SHC4: variants seen among roughly 807,000 people sequenced by gnomAD.
SHC4 encodes the protein SHC adaptor protein 4, also known as SHC-transforming protein 4.
SHC4 carries 41 observed loss-of-function variants against 69.4 expected under a neutral mutation model. That is an observed-to-expected ratio of 0.59 (90% CI 0.46 to 0.77). The LOEUF (loss-of-function observed/expected upper bound fraction) is 0.77. Among genes scored for constraint, SHC4 ranks in the 30% least tolerant of loss-of-function variants. The pLI is 0.00. For missense variants in SHC4, 777 were observed against 783.8 expected (o/e 0.99, Z 0.10); for synonymous variants, 318 against 299.3 (o/e 1.06, Z -0.64).
intron 2 of SHC4, among the ~76,000 whole-genome samples, chr15:48,923,634 T>TC (rs886138254): frequency 1.7e-5 from 2 of 115,530 alleles, no homozygotes; most frequent in Non-Finnish European, 3.5e-5. Flanking sequence ...GACTACTCAG[T>TC]CTTTTTTTTT....
intron 2 of SHC4, among the ~76,000 whole-genome samples, chr15:48,916,024 A>G (rs1370744393): frequency 1.3e-5 from 2 of 152,166 alleles, no homozygotes; most frequent in Admixed American, 6.5e-5. Flanking sequence ...AACTACTCCA[A>G]GGCTTAGCAG....
intron 1 of SHC4, among the ~76,000 whole-genome samples, chr15:48,949,758 C>T: frequency 6.8e-6 from 1 of 147,438 alleles, no homozygotes; most frequent in African/African-American, 2.5e-5. Flanking sequence ...ATCTACAATA[C>T]CTTAAAAAAA....
At chr15:48,882,044 G>A (rs771725332) in intron 4 of SHC4, among the ~76,000 whole-genome samples, 3 of 152,132 alleles carry the variant, frequency 2.0e-5, no homozygotes, top group Non-Finnish European at 4.4e-5. Context: ...AAGTGGGGAT[G>A]GGGAAGGCAT....
chr15:48,856,094 C>T lies in SHC4; in HGVS notation c.1101G>A (p.Glu367=). ...SEEVHIDSHA[E]EREDHEYYNE... ...TGTAATATTCATGATCTTCTCTCTCCTCGGCATGGCTATCAATATGCACCT... is the reference window on the plus strand; with the variant it reads ...TGTAATATTCATGATCTTCTCTCTCTTCGGCATGGCTATCAATATGCACCT... Residue 367 remains glutamate, a synonymous_variant, in exon 8 of 12, where the codon GAG becomes GAA. Coordinates refer to ENST00000332408, the MANE Select transcript of SHC4 (RefSeq NM_203349.4). 6.2e-7 allele frequency: 1 copy of T among 1,613,528 alleles called. No homozygotes were observed. The highest frequency in any genetic ancestry group is 8.5e-7 in the Non-Finnish European group (1 of 1,179,646).
intron 9 of SHC4, among the ~76,000 whole-genome samples, chr15:48,847,172 AC>A (rs1356221395): frequency 6.6e-6 from 1 of 152,140 alleles, no homozygotes; most frequent in African/African-American, 2.4e-5. Flanking sequence ...GCCAGCTAGT[AC>A]GCCTTCCAAA....
chr15:48,894,097 T>C (rs1258443616), intron 2 of SHC4, among the ~76,000 whole-genome samples: 2 of 152,144 alleles, frequency 1.3e-5, no homozygotes, highest in East Asian at 1.9e-4. Context: ...ATAAAACATA[T>C]CAAAATAAAT....
intron 8 of SHC4, among the ~76,000 whole-genome samples, chr15:48,851,738 A>T (rs961982479): frequency 6.6e-6 from 1 of 152,168 alleles, no homozygotes; most frequent in African/African-American, 2.4e-5. Context: ...TCTCGTCAGC[A>T]ATATACTGTG....
rs147881852 is a variant in SHC4, at chr15:48,826,065, T to C, written c.1799A>G (p.Asn600Ser). 6.2e-7 allele frequency: 1 copy of C among 1,613,970 alleles called. No homozygotes were observed. Among genetic ancestry groups the C allele is most frequent in the East Asian group, 2.2e-5 (1 of 44,842 alleles). ...VGHLIRYHMDNSLPIISSGSE... is the reference protein window; with the variant it reads ...VGHLIRYHMDSSLPIISSGSE... Reference sequence around the variant, plus strand: ...TCCAGAGGAGATGATTGGCAAACTGTTATCCATATGGTATCTGATAAGGTG... The same window carrying C: ...TCCAGAGGAGATGATTGGCAAACTGCTATCCATATGGTATCTGATAAGGTG... Residue 600 changes from asparagine (N) to serine (S), a missense_variant, in exon 12 of 12, where the codon AAC (asparagine) becomes AGC (serine). Transcript: ENST00000332408.
intron 2 of SHC4, among the ~76,000 whole-genome samples, chr15:48,924,047 T>A (rs1263186402): frequency 6.6e-6 from 1 of 152,112 alleles, no homozygotes; most frequent in Non-Finnish European, 1.5e-5. Flanking sequence ...GGCCTAGAAT[T>A]TCATGGGATG....
At chr15:48,944,249 G>T (rs143468600) in intron 1 of SHC4, among the ~76,000 whole-genome samples, 61 of 151,902 alleles carry the variant, frequency 4.0e-4, no homozygotes, top group African/African-American at 1.1e-3. Context: ...AGAGACTCTG[G>T]GTGCCCTACC....
At chr15:48,932,584 G>A (rs914742099) in intron 1 of SHC4, among the ~76,000 whole-genome samples, 3 of 151,988 alleles carry the variant, frequency 2.0e-5, no homozygotes, top group African/African-American at 7.3e-5. Context: ...CCCTTCCTTT[G>A]CTCCTCCCTC....
chr15:48,939,127 G>C (rs1901128283), intron 1 of SHC4, among the ~76,000 whole-genome samples: 1 of 152,160 alleles, frequency 6.6e-6, no homozygotes, highest in Admixed American at 6.5e-5. Context: ...TGCTGTTCCT[G>C]ATTGTCTTCA....
rs1399317864 is a variant in SHC4 at position 48,835,033 on chromosome 15, A to G, written c.1484-11T>C. On this transcript the variant is annotated splice_polypyrimidine_tract_variant and intron_variant, in intron 10 of 11. Coordinates refer to ENST00000332408, the MANE Select transcript of SHC4 (RefSeq NM_203349.4). ...CAGTTTCTGGTGCCTCTGAAGTCAG[A>G]ACACAAAGAGAGACATCATCGAGTT... 6.2e-7 allele frequency: 1 copy of G among 1,604,648 alleles called. No individual in the cohort carries two copies. Among genetic ancestry groups the G allele is most frequent in the Non-Finnish European group, 8.5e-7 (1 of 1,175,366 alleles).
chr15:48,910,044 T>C (rs1900479730), intron 2 of SHC4, among the ~76,000 whole-genome samples: 1 of 152,152 alleles, frequency 6.6e-6, no homozygotes, highest in Admixed American at 6.6e-5. Flanking sequence ...TTTCTGGTTT[T>C]GGTATTAGGG....
intron 4 of SHC4, chr15:48,876,870 TCAATC>T (rs1175079374): frequency 8.3e-5 from 20 of 240,118 alleles, no homozygotes; most frequent in African/African-American, 4.5e-4. Context: ...CTTGTATCCT[TCAATC>T]CAATCAAGTT....
chr15:48,958,882 C>A (rs1284926850), intron 1 of SHC4, among the ~76,000 whole-genome samples: 1 of 152,216 alleles, frequency 6.6e-6, no homozygotes, highest in African/African-American at 2.4e-5. Context: ...ACTGGGATCT[C>A]ACTGTCCTAT....
intron 6 of SHC4, among the ~76,000 whole-genome samples, chr15:48,860,066 AAGAG>A (rs946423573): frequency 6.6e-6 from 1 of 152,164 alleles, no homozygotes; most frequent in African/African-American, 2.4e-5. Flanking sequence ...GAAAGGAAGA[AAGAG>A]AGAGAGAGCT....
rs777365638 is a variant in SHC4 at position 48,962,801 on chromosome 15, G to A, written c.215C>T (p.Ala72Val). 8.7e-6 allele frequency: 14 copies of A among 1,612,264 alleles called. No individual in the cohort carries two copies. In the South Asian group the frequency reaches 1.5e-4, roughly 18 times the overall value. Residue 72 changes from alanine (A) to valine (V), a missense_variant, in exon 1 of 12, where the codon GCC (alanine) becomes GTC (valine). By Grantham distance (64) the Ala-to-Val change is moderately conservative. Coordinates refer to ENST00000332408, the MANE Select transcript of SHC4 (RefSeq NM_203349.4). Reference sequence around the variant, plus strand: ...GGGGCTCTCCTGCGACGGCAAGGTGGCATCTTCAGTCGGCAGGTGAGGTGC... The same window carrying A: ...GGGGCTCTCCTGCGACGGCAAGGTGACATCTTCAGTCGGCAGGTGAGGTGC... ...ALAPHLPTED[A>V]TLPSQESPTP...
intron 1 of SHC4, among the ~76,000 whole-genome samples, chr15:48,925,445 A>G (rs569489771): frequency 1.3e-5 from 2 of 152,256 alleles, no homozygotes; most frequent in Non-Finnish European, 2.9e-5. Flanking sequence ...GCAAAAATAA[A>G]TGTGAGATAG....
Sources: allele counts gnomAD v4.1 joint callset (sites outside exome capture counted in the v4.1 genomes callset), GRCh38; gene constraint gnomAD v4.1.1; transcripts MANE v1.5; gene names NCBI Gene and HGNC (gene_info 2026-07-23, HGNC 2026-07-21).